The following FBN1 variants were observed in gnomAD, a reference collection of about 807,000 sequenced individuals.
FBN1 encodes fibrillin-1.
In FBN1, 29 loss-of-function variants were observed where a neutral mutation model predicts 365.1. That is an observed-to-expected ratio of 0.08 (90% confidence interval 0.06 to 0.11). The LOEUF (loss-of-function observed/expected upper bound fraction) is 0.11, where lower values mean the gene tolerates loss of function less well. Ranked by LOEUF, FBN1 falls within the 10% of genes least tolerant of loss-of-function variation. The pLI is 1.00. For synonymous variants in FBN1, 1,210 were observed against 1,270.5 expected (o/e 0.95, Z 1.01); for missense variants, 2,476 against 3,703.2 (o/e 0.67, Z 8.60).
chr15:48,562,497 C>T (rs772530189), intron 6 of FBN1, among the ~76,000 whole-genome samples: 14 of 152,094 alleles, frequency 9.2e-5, no homozygotes, highest in African/African-American at 2.7e-4. Context: ...TGGGCATGAA[C>T]GTTTTAGGTG....
Position 48,505,925 on chromosome 15 carries a change from G to C in FBN1, c.1838-778C>G, listed in dbSNP as rs149510222. Among the ~76,000 whole-genome samples the C allele has an allele frequency of 1.6e-4, 24 of 152,246 alleles. No individual in the cohort carries two copies. In the East Asian group the frequency reaches 4.6e-3, roughly 29 times the overall value. The stretch of plus-strand genomic sequence containing the variant: ...TGGTTTGGAAAACATACAACACTTA[G>C]AAGTAAATGATTTTAGGCCAGGTGC... On this transcript the variant is annotated intron_variant, in intron 15 of 65. Transcript: ENST00000316623.
rs562852342 is a variant in FBN1, at chr15:48,470,871, C to T, written c.4337-115G>A. 4.3e-6 allele frequency: 5 copies of T among 1,154,426 alleles called. No individual in the cohort carries two copies. In the African/African-American group the frequency reaches 6.1e-5, roughly 14 times the overall value. The allele number at this position is 1,154,426 out of a possible 1,614,324, so 71.5% of individuals were successfully genotyped here. ...CTAAGAAAATGCAGAGTATCTAACA[C>T]CAATCTGGGCACTTCTCCTATAGAC... is the stretch of plus-strand genomic sequence containing the variant. On this transcript the variant is annotated intron_variant, in intron 35 of 65. Coordinates refer to ENST00000316623, the MANE Select transcript of FBN1 (RefSeq NM_000138.5).
intron 17 of FBN1, among the ~76,000 whole-genome samples, chr15:48,501,778 C>T (rs1445958244): frequency 6.6e-6 from 1 of 152,046 alleles, no homozygotes; most frequent in African/African-American, 2.4e-5. Context: ...GTCTGTATTG[C>T]AAATTCAAAG....
chr15:48,597,295 C>T (rs1199140054), intron 5 of FBN1, among the ~76,000 whole-genome samples: 1 of 152,228 alleles, frequency 6.6e-6, no homozygotes, highest in African/African-American at 2.4e-5. Flanking sequence ...CTTCCAGCTG[C>T]TGTACCTTCA....
At chr15:48,452,247 T>C (rs1467373214) in intron 45 of FBN1, among the ~76,000 whole-genome samples, 2 of 151,914 alleles carry the variant, frequency 1.3e-5, no homozygotes, top group African/African-American at 4.8e-5. Flanking sequence ...GTATGCATAA[T>C]TGTGTGTGTG....
intron 2 of FBN1, among the ~76,000 whole-genome samples, chr15:48,632,461 G>GTCC (rs1890005770): frequency 2.0e-5 from 3 of 152,292 alleles, no homozygotes; most frequent in African/African-American, 7.2e-5. Flanking sequence ...GGACAACACA[G>GTCC]AAAGATGAGT....
intron 2 of FBN1, chr15:48,641,980 G>A (rs551861041): frequency 5.9e-5 from 9 of 152,242 alleles, no homozygotes; most frequent in South Asian, 2.1e-4. Context: ...ATATAAACAC[G>A]TGTATGTAAA....
chr15:48,488,625 A>C, intron 25 of FBN1, 132 bp from the exon 26 acceptor site: 2 of 977,470 alleles, frequency 2.0e-6, no homozygotes. Flanking sequence ...CATTTCCAAG[A>C]ATGTGTGATG....
At chr15:48,491,079 C>A (rs746149408) in intron 24 of FBN1, among the ~76,000 whole-genome samples, 1 of 152,006 alleles carries the variant, frequency 6.6e-6, no homozygotes, top group Admixed American at 6.5e-5. Context: ...TAAGTGAATC[C>A]TAAATTAAAC....
chr15:48,513,831 T>G (rs569727482), intron 12 of FBN1, among the ~76,000 whole-genome samples, 163 bp from the exon 13 acceptor site: 18 of 152,348 alleles, frequency 1.2e-4, no homozygotes, highest in African/African-American at 4.3e-4. Context: ...CATTAGCCAT[T>G]TGAAGACTGG....
chr15:48,494,310 G>C, intron 22 of FBN1, 56 bp from the exon 23 acceptor site: 1 of 1,347,564 alleles, frequency 7.4e-7, no homozygotes, highest in Non-Finnish European at 1.1e-6. Flanking sequence ...ACAATATCCA[G>C]ACTTTGCAGT....
Position 48,408,428 on chromosome 15 carries a change from G to A in FBN1, c.*2562C>T, listed in dbSNP as rs1288628722. On this transcript the variant is annotated 3_prime_UTR_variant, in exon 66 of 66. Transcript: ENST00000316623. ...ATTTTGGCTGAGTAAACTGCTATTT[G>A]TTGAACAAAAATGTAGTTGTTTGTG... is the stretch of plus-strand genomic sequence containing the variant. 1 of 152,606 alleles carries A rather than the reference G, an allele frequency of 6.6e-6. No individual in the cohort carries two copies. The highest frequency in any genetic ancestry group is 1.5e-5 in the Non-Finnish European group (1 of 68,030). 9.5% of individuals were successfully genotyped at this position (152,606 alleles called of 1,614,324 possible).
rs2042854937 is a variant in FBN1 at position 48,410,861 on chromosome 15, G to A, written c.*129C>T. On this transcript the variant is annotated 3_prime_UTR_variant, in exon 66 of 66. Transcript: ENST00000316623. ...CCTTGCTTTGGTAATACAAAGAATA[G>A]TGCTTATTTATACAAATTTACTTGG... is the stretch of plus-strand genomic sequence containing the variant. 1.0e-6 allele frequency: 1 copy of A among 956,308 alleles called. No homozygotes were observed. Among genetic ancestry groups the A allele is most frequent in the Non-Finnish European group, 1.6e-6 (1 of 640,792 alleles). 59.2% of individuals were successfully genotyped at this position (956,308 alleles called of 1,614,324 possible).
intron 6 of FBN1, among the ~76,000 whole-genome samples, chr15:48,548,276 T>C (rs1039780927): frequency 4.6e-5 from 7 of 152,168 alleles, no homozygotes; most frequent in African/African-American, 1.7e-4. Flanking sequence ...GATTTCGATA[T>C]TCTGGGCCAC....
intron 6 of FBN1, among the ~76,000 whole-genome samples, chr15:48,591,750 C>A (rs374657847): frequency 1.3e-5 from 2 of 151,270 alleles, no homozygotes; most frequent in African/African-American, 4.9e-5. Context: ...TTCAGAGTTA[C>A]GAGTGGCCCC....
intron 17 of FBN1, among the ~76,000 whole-genome samples, chr15:48,501,363 C>T (rs547002661): frequency 4.6e-5 from 7 of 152,324 alleles, no homozygotes; most frequent in Admixed American, 2.6e-4. Flanking sequence ...TCTCTCACTC[C>T]TGCATGCTCT....
chr15:48,619,127 A>G (rs1354790228), intron 2 of FBN1, among the ~76,000 whole-genome samples: 1 of 152,142 alleles, frequency 6.6e-6, no homozygotes, highest in Non-Finnish European at 1.5e-5. Flanking sequence ...CCACGAAACC[A>G]GTCCCTGATA....
At chr15:48,445,656 T>C (rs2043153192) in intron 47 of FBN1, 152 bp from the exon 48 acceptor site, 3 of 758,732 alleles carry the variant, frequency 4.0e-6, no homozygotes, top group East Asian at 2.7e-5. Context: ...AAGATCTAGT[T>C]TGCAACAACA....
intron 64 of FBN1, among the ~76,000 whole-genome samples, chr15:48,413,500 A>C (rs2042880084): frequency 6.6e-6 from 1 of 152,208 alleles, no homozygotes; most frequent in African/African-American, 2.4e-5. Flanking sequence ...CAGTTATCAA[A>C]GCCAAGTTAC....
Sources: allele counts gnomAD v4.1 joint callset (sites outside exome capture counted in the v4.1 genomes callset), GRCh38; gene constraint gnomAD v4.1.1; transcripts MANE v1.5; gene names NCBI Gene and HGNC (gene_info 2026-07-23, HGNC 2026-07-21).